Variants in SDK1 observed in about 807,000 individuals in gnomAD.
The protein encoded by SDK1 is sidekick cell adhesion molecule 1, also known as protein sidekick-1.
Under a neutral mutation model 245.5 loss-of-function variants are expected in SDK1, and 157 were observed. That is an observed-to-expected ratio of 0.64 (90% confidence interval 0.56 to 0.73). The LOEUF is 0.73. Among genes scored for constraint, SDK1 ranks in the 30% least tolerant of loss-of-function variants. The pLI is 0.00. For missense variants in SDK1, 3,583 were observed against 3,002.3 expected, an observed-to-expected ratio of 1.19 and a Z score of -4.52; for synonymous variants, 1,647 against 1,278.5, an observed-to-expected ratio of 1.29 and a Z score of -6.15.
intron 1 of SDK1, among the ~76,000 whole-genome samples, chr7:3,377,391 T>C (rs1781380494): frequency 6.6e-6 from 1 of 152,158 alleles, no homozygotes; most frequent in African/African-American, 2.4e-5. Flanking sequence ...AGCTGCCCCC[T>C]GCGCTAAATG....
At chr7:3,622,397 C>A (rs1781969227) in intron 2 of SDK1, among the ~76,000 whole-genome samples, 1 of 152,184 alleles carries the variant, frequency 6.6e-6, no homozygotes, top group South Asian at 2.1e-4. Flanking sequence ...AGGAGAATCG[C>A]TTGAGCCCAG....
intron 5 of SDK1, among the ~76,000 whole-genome samples, chr7:3,938,459 G>T (rs567463490): frequency 6.6e-6 from 1 of 151,962 alleles, no homozygotes; most frequent in Non-Finnish European, 1.5e-5. Flanking sequence ...TGGCGAACAC[G>T]GTGAAACCCT....
intron 1 of SDK1, among the ~76,000 whole-genome samples, chr7:3,460,053 AT>A (rs1284260962): frequency 6.6e-6 from 1 of 152,168 alleles, no homozygotes; most frequent in African/African-American, 2.4e-5. Context: ...TTTGAAGTCT[AT>A]TTTATTGTTT....
intron 1 of SDK1, among the ~76,000 whole-genome samples, chr7:3,409,794 G>A (rs1333642009): frequency 6.6e-6 from 1 of 152,144 alleles, no homozygotes; most frequent in Non-Finnish European, 1.5e-5. Context: ...GGATTGAGGT[G>A]TGGAGTTTGA....
At chr7:3,691,151 G>C (rs1434044889) in intron 4 of SDK1, among the ~76,000 whole-genome samples, 1 of 151,266 alleles carries the variant, frequency 6.6e-6, no homozygotes, top group Non-Finnish European at 1.5e-5. Flanking sequence ...TCATTCCTTA[G>C]AATCACCTTT....
intron 14 of SDK1, among the ~76,000 whole-genome samples, chr7:4,008,385 G>C (rs1353755260): frequency 6.6e-6 from 1 of 152,246 alleles, no homozygotes. Context: ...TTACTTCTGC[G>C]CAGAGGGGTG....
intron 1 of SDK1, among the ~76,000 whole-genome samples, chr7:3,319,043 G>C (rs1325223851): frequency 6.6e-6 from 1 of 152,028 alleles, no homozygotes; most frequent in Non-Finnish European, 1.5e-5. Flanking sequence ...GGGGGGAGTA[G>C]GTGGGGATGG....
chr7:3,340,176 A>G (rs1780308951), intron 1 of SDK1, among the ~76,000 whole-genome samples: 1 of 152,008 alleles, frequency 6.6e-6, no homozygotes, highest in African/African-American at 2.4e-5. Context: ...AAGACAAAAT[A>G]GACAATCAGA....
intron 38 of SDK1, among the ~76,000 whole-genome samples, chr7:4,219,584 C>G (rs1204156994): frequency 1.3e-5 from 2 of 152,154 alleles, no homozygotes; most frequent in Admixed American, 6.5e-5. Context: ...TCAATTATCT[C>G]CCCCAGGCCC....
At chr7:3,368,797 C>T (rs1019201583) in intron 1 of SDK1, among the ~76,000 whole-genome samples, 8 of 152,114 alleles carry the variant, frequency 5.3e-5, no homozygotes, top group Admixed American at 2.0e-4. Flanking sequence ...CACTTAGAAC[C>T]GTGTGTGACA....
chr7:4,050,862 C>T (rs1305118465), intron 18 of SDK1, among the ~76,000 whole-genome samples: 1 of 142,456 alleles, frequency 7.0e-6, no homozygotes, highest in East Asian at 2.0e-4. Flanking sequence ...ATATTATATA[C>T]TATATGGTAT....
intron 4 of SDK1, among the ~76,000 whole-genome samples, chr7:3,758,269 A>C (rs961551741): frequency 3.3e-5 from 5 of 152,232 alleles, no homozygotes; most frequent in Non-Finnish European, 5.9e-5. Flanking sequence ...TCTTGCTTAC[A>C]GCATTTCTAT....
rs565015480 is a variant in SDK1, at chr7:3,622,609, A to G, written c.458+3370A>G. Among the ~76,000 whole-genome samples the G allele has an allele frequency of 1.3e-4, 20 of 152,350 alleles. No homozygotes were observed. In the East Asian group the frequency reaches 3.7e-3, roughly 28 times the overall value. ...GCAGTCAACTTAAAACTGCAGGAAG[A>G]GGTGGAACACTCTTTGTATTCTTAA... On this transcript the variant is annotated intron_variant, in intron 2 of 44. Coordinates refer to ENST00000404826, the MANE Select transcript of SDK1 (RefSeq NM_152744.4).
intron 1 of SDK1, among the ~76,000 whole-genome samples, chr7:3,507,868 C>T (rs941017548): frequency 6.6e-6 from 1 of 152,204 alleles, no homozygotes; most frequent in African/African-American, 2.4e-5. Flanking sequence ...TTTCATCCAG[C>T]AGTTCCATTG....
chr7:3,936,718 G>C (rs2128119543), intron 5 of SDK1, among the ~76,000 whole-genome samples: 1 of 152,270 alleles, frequency 6.6e-6, no homozygotes, highest in Middle Eastern at 3.4e-3. Flanking sequence ...TAACCCCAAT[G>C]GGGGGAAAAA....
chr7:3,342,859 T>C (rs1482255515), intron 1 of SDK1, among the ~76,000 whole-genome samples: 1 of 151,900 alleles, frequency 6.6e-6, no homozygotes, highest in Admixed American at 6.6e-5. Context: ...AGTTGGAAAA[T>C]GGACAAAAGA....
chr7:3,995,607 C>A (rs1034064653), intron 14 of SDK1, among the ~76,000 whole-genome samples: 1 of 152,212 alleles, frequency 6.6e-6, no homozygotes, highest in Admixed American at 6.5e-5. Context: ...TTTGAATAAT[C>A]TTTCTACTCC....
At chr7:3,747,981 T>C (rs1199434828) in intron 4 of SDK1, among the ~76,000 whole-genome samples, 1 of 152,120 alleles carries the variant, frequency 6.6e-6, no homozygotes, top group Non-Finnish European at 1.5e-5. Context: ...TCAAGGGAGA[T>C]TTAGTAATAC....
chr7:3,900,678 C>T (rs146299940), intron 5 of SDK1, among the ~76,000 whole-genome samples: 56 of 152,290 alleles, frequency 3.7e-4, no homozygotes, highest in Non-Finnish European at 7.3e-4. Flanking sequence ...ACACCCTTCA[C>T]CTAGATTCAC....
Sources: allele counts gnomAD v4.1 joint callset (sites outside exome capture counted in the v4.1 genomes callset), GRCh38; gene constraint gnomAD v4.1.1; transcripts MANE v1.5; gene names NCBI Gene and HGNC (gene_info 2026-07-23, HGNC 2026-07-21).